PRELID2: variants seen among roughly 807,000 people sequenced by gnomAD.
The protein encoded by PRELID2 is PRELI domain containing 2, also known as PRELI domain-containing protein 2.
Under a neutral mutation model 28.4 loss-of-function variants are expected in PRELID2, and 25 were observed. The observed-to-expected ratio is 0.88, with a 90% confidence interval of 0.64 to 1.23. PRELID2 has a LOEUF of 1.23. Among genes scored for constraint, PRELID2 ranks in the 50% most tolerant of loss-of-function variants. PRELID2 has a pLI of 0.00. For missense variants in PRELID2, 201 were observed against 214.4 expected (o/e 0.94, Z 0.39); for synonymous variants, 76 against 71.6 (o/e 1.06, Z -0.31).
chr5:145,514,318 CAAA>C (rs55760860), intron 1 of PRELID2, among the ~76,000 whole-genome samples: 9 of 67,472 alleles, frequency 1.3e-4, no homozygotes, highest in Non-Finnish European at 1.5e-4. Context: ...AAATGGAAAG[CAAA>C]AAAAAAAAAA....
intron 1 of PRELID2, among the ~76,000 whole-genome samples, chr5:145,598,833 T>C (rs1038572107): frequency 6.6e-6 from 1 of 152,072 alleles, no homozygotes; most frequent in Non-Finnish European, 1.5e-5. Context: ...CCAGGTGCAA[T>C]AATAGAAAAT....
intron 5 of PRELID2, among the ~76,000 whole-genome samples, chr5:145,776,248 C>A (rs1758401875): frequency 6.6e-6 from 1 of 152,198 alleles, no homozygotes; most frequent in African/African-American, 2.4e-5. Context: ...TCCAGGATAT[C>A]CACACTGTAG....
In PRELID2 at chr5:145,650,997, C is replaced by T. The variant is rs139242944; in HGVS notation, n.70+113934G>A. Among the ~76,000 whole-genome samples, 308 of 152,232 alleles carry T rather than the reference C, an allele frequency of 2.0e-3. 2 individuals are homozygous for T. The highest frequency in any genetic ancestry group is 6.9e-3 in the African/African-American group (288 of 41,554). On this transcript the variant is annotated intron_variant and non_coding_transcript_variant, in intron 1 of 2. Coordinates refer to the PRELID2 transcript ENST00000510259. ...GGGAAGCACAAAGGGTCAGGGAATT[C>T]GCTTTCCTAGCCAAGGGAAGCTGTG...
chr5:145,708,128 G>A (rs891030962), intron 1 of PRELID2, among the ~76,000 whole-genome samples: 1 of 152,058 alleles, frequency 6.6e-6, no homozygotes, highest in East Asian at 1.9e-4. Flanking sequence ...GTGGTTGGGG[G>A]TAGAGAGAAC....
At chr5:145,384,516 A>C in the PRELID2 span, among the ~76,000 whole-genome samples, 1 of 152,334 alleles carries the variant, frequency 6.6e-6, no homozygotes, top group South Asian at 2.1e-4. Context: ...AAGGTTTCAT[A>C]CTGTATGATT....
At chr5:145,623,370 C>A (rs6863005) in intron 1 of PRELID2, among the ~76,000 whole-genome samples, 19,650 of 151,736 alleles carry the variant, frequency 0.13, 1,807 homozygotes, top group African/African-American at 0.23. Context: ...ATCACTTGAA[C>A]CCAGGAGGCA....
Position 145,818,022 on chromosome 5 carries a change from T to C in PRELID2, c.240A>G (p.Leu80=). 1 of 1,612,784 alleles carries C rather than the reference T, an allele frequency of 6.2e-7. No homozygotes were observed. Among genetic ancestry groups the C allele is most frequent in the Non-Finnish European group, 8.5e-7 (1 of 1,179,362 alleles). Residue 80 remains leucine, a synonymous_variant, in exon 4 of 7, where the codon TTA becomes TTG. Coordinates refer to ENST00000683046, the MANE Select transcript of PRELID2 (RefSeq NM_205846.3). ...VSILKVPNIQ[L]EEESWLNPRE... ...GAGGATTGAGCCATGACTCCTCTTC[T>C]AATTGGATATTAGGTACTTTCAAAA... is the stretch of plus-strand genomic sequence containing the variant.
downstream of PRELID2, among the ~76,000 whole-genome samples, chr5:145,467,971 G>A (rs1398534152): frequency 6.6e-6 from 1 of 151,594 alleles, no homozygotes; most frequent in Non-Finnish European, 1.5e-5. Context: ...CAATGTGCAG[G>A]TTTGTTATAT....
chr5:145,508,003 C>A (rs1008311274), intron 1 of PRELID2, among the ~76,000 whole-genome samples: 1 of 152,112 alleles, frequency 6.6e-6, no homozygotes, highest in African/African-American at 2.4e-5. Flanking sequence ...GTAGTTAATT[C>A]TCTTATTTTA....
chr5:145,248,813 C>G, the PRELID2 span, among the ~76,000 whole-genome samples: 1 of 151,890 alleles, frequency 6.6e-6, no homozygotes, highest in East Asian at 1.9e-4. Flanking sequence ...AAAAAAATCA[C>G]GTAAGTTTTT....
At chr5:145,615,381 A>G (rs1753682139) in intron 1 of PRELID2, among the ~76,000 whole-genome samples, 1 of 111,548 alleles carries the variant, frequency 9.0e-6, no homozygotes, top group African/African-American at 4.4e-5. Flanking sequence ...GCTGGAGTGC[A>G]GTGGCGCAAT....
At chr5:145,275,474 G>GT in the PRELID2 span, among the ~76,000 whole-genome samples, 1 of 152,094 alleles carries the variant, frequency 6.6e-6, no homozygotes, top group Non-Finnish European at 1.5e-5. Context: ...AAGGACACGA[G>GT]TGACCCAAGG....
chr5:145,481,259 T>C (rs754602805), intron 1 of PRELID2, among the ~76,000 whole-genome samples: 45 of 152,098 alleles, frequency 3.0e-4, no homozygotes, highest in Non-Finnish European at 5.7e-4. Flanking sequence ...TTATTTGGTT[T>C]GTTTTCAGTA....
chr5:145,761,110 A>C (rs1254412018), intron 6 of PRELID2, among the ~76,000 whole-genome samples: 1 of 152,230 alleles, frequency 6.6e-6, no homozygotes, highest in Non-Finnish European at 1.5e-5. Flanking sequence ...GTGAATTTAA[A>C]TTATGCAAAT....
At chr5:145,532,801 T>G (rs1752665253) in intron 1 of PRELID2, among the ~76,000 whole-genome samples, 1 of 152,166 alleles carries the variant, frequency 6.6e-6, no homozygotes, top group South Asian at 2.1e-4. Context: ...GATTTTCTTC[T>G]GTTTATAGAC....
chr5:145,729,446 C>G (rs1281116331), intron 1 of PRELID2: 4 of 332,576 alleles, frequency 1.2e-5, no homozygotes, highest in Non-Finnish European at 2.2e-5. Context: ...CCTTCTAAGT[C>G]CTCACTTTGT....
the PRELID2 span, among the ~76,000 whole-genome samples, chr5:145,395,043 T>C: frequency 1.9e-3 from 284 of 152,238 alleles, 6 homozygotes; most frequent in East Asian, 0.041. Context: ...AAGAGATGGC[T>C]GCAATGTACT....
At chr5:145,435,137 T>G in the PRELID2 span, among the ~76,000 whole-genome samples, 2 of 152,236 alleles carry the variant, frequency 1.3e-5, no homozygotes, top group African/African-American at 4.8e-5. Flanking sequence ...CTGGAACGTA[T>G]GCCCTTGTAG....
chr5:145,275,780 G>C, the PRELID2 span, among the ~76,000 whole-genome samples: 1 of 152,106 alleles, frequency 6.6e-6, no homozygotes, highest in South Asian at 2.1e-4. Context: ...TTAAGAACTA[G>C]AGCTCGGTTC....
Sources: gnomAD v4.1 joint callset for allele counts (sites outside exome capture counted in the v4.1 genomes callset) on GRCh38, gnomAD v4.1.1 for gene constraint, MANE v1.5 for transcripts, NCBI Gene and HGNC (gene_info 2026-07-23, HGNC 2026-07-21) for gene names.